ACBD5: variants seen among roughly 807,000 people sequenced by gnomAD.
The protein encoded by ACBD5 is acyl-CoA binding domain containing 5.
ACBD5 carries 40 observed loss-of-function variants against 71.8 expected under a neutral mutation model. The ratio of observed to expected loss-of-function variants is 0.56; its 90% CI spans 0.43 to 0.72. The LOEUF (loss-of-function observed/expected upper bound fraction) is 0.72. ACBD5 is among the 30% of genes least tolerant of loss of function. The pLI is 0.00. For missense variants in ACBD5, 559 were observed against 644.5 expected (o/e 0.87, Z 1.44); for synonymous variants, 229 against 218.6 (o/e 1.05, Z -0.42).
In ACBD5 at chr10:27,195,455, C is replaced by T. The variant is rs188435992; in HGVS notation, c.*1975G>A. 2.2e-6 allele frequency: 1 copy of T among 454,364 alleles called. No homozygotes were observed. Among genetic ancestry groups the T allele is most frequent in the Admixed American group, 2.3e-5 (1 of 42,562 alleles). 28.1% of individuals were successfully genotyped at this position (454,364 alleles called of 1,614,324 possible). ...ATGGTTATCCCTAGGAGTTAGTTAT[C>T]CCAGACTGCTTGTAATGATTCACAA... On this transcript the variant is annotated 3_prime_UTR_variant, in exon 13 of 13. Coordinates refer to ENST00000396271, the MANE Select transcript of ACBD5 (RefSeq NM_145698.5).
intron 13 of ACBD5, among the ~76,000 whole-genome samples, chr10:27,189,619 T>TTG (rs2058981378): frequency 3.6e-5 from 3 of 84,214 alleles, no homozygotes; most frequent in Admixed American, 2.4e-4. Flanking sequence ...CTGGGGCCTG[T>TTG]TGTGGGGTGG....
chr10:27,195,111 C>A, downstream of ACBD5: 1 of 278,974 alleles, frequency 3.6e-6, no homozygotes, highest in South Asian at 3.5e-5. Flanking sequence ...AATAGCATGG[C>A]TTTATTTTGA....
chr10:27,193,896 C>T (rs191783996), downstream of ACBD5, among the ~76,000 whole-genome samples: 1 of 152,234 alleles, frequency 6.6e-6, no homozygotes, highest in African/African-American at 2.4e-5. Flanking sequence ...AATAATGATA[C>T]CTTAAATGAT....
chr10:27,224,144 T>A (rs1293397667), intron 4 of ACBD5, among the ~76,000 whole-genome samples: 2 of 149,476 alleles, frequency 1.3e-5, no homozygotes, highest in Non-Finnish European at 3.0e-5. Context: ...AGGAGGAGGA[T>A]GGCTTGAGCC....
At chr10:27,184,106 T>C (rs531393669) in intron 13 of ACBD5, among the ~76,000 whole-genome samples, 1 of 152,308 alleles carries the variant, frequency 6.6e-6, no homozygotes, top group South Asian at 2.1e-4. Context: ...CTAGGGATGA[T>C]CTAGACTCAG....
At chr10:27,226,843 G>A (rs1282016532) in intron 4 of ACBD5, among the ~76,000 whole-genome samples, 1 of 151,200 alleles carries the variant, frequency 6.6e-6, no homozygotes, top group African/African-American at 2.4e-5. Flanking sequence ...TAGTAGAGAC[G>A]GGGTTTCACC....
At chr10:27,204,612 A>G (rs1282756084) in intron 11 of ACBD5, 63 bp from the exon 12 acceptor site, 1 of 1,148,790 alleles carries the variant, frequency 8.7e-7, no homozygotes, top group Non-Finnish European at 1.3e-6. Flanking sequence ...ACTTAAAAAC[A>G]TACCTAATTC....
intron 8 of ACBD5, among the ~76,000 whole-genome samples, chr10:27,211,610 C>T (rs948205847): frequency 2.0e-5 from 3 of 152,084 alleles, no homozygotes; most frequent in South Asian, 2.1e-4. Context: ...TGAGACCCCA[C>T]GCCCGCCCAG....
chr10:27,205,052 A>G (rs2060329966), intron 11 of ACBD5, 146 bp downstream of exon 11: 6 of 691,524 alleles, frequency 8.7e-6, no homozygotes, highest in Admixed American at 6.9e-5. Context: ...GCGTGAACCC[A>G]GGAGGCAGAG....
chr10:27,211,160 A>C (rs2061037566), intron 8 of ACBD5, 79 bp from the exon 9 acceptor site: 1 of 1,396,078 alleles, frequency 7.2e-7, no homozygotes, highest in Non-Finnish European at 1.0e-6. Flanking sequence ...CAATAGGAGA[A>C]ATACTGTTTT....
chr10:27,187,090 A>T (rs933993792), intron 13 of ACBD5, among the ~76,000 whole-genome samples: 1 of 152,050 alleles, frequency 6.6e-6, no homozygotes, highest in Non-Finnish European at 1.5e-5. Context: ...TCTTGAGGTC[A>T]GGAGTTCAAG....
intron 4 of ACBD5, among the ~76,000 whole-genome samples, chr10:27,224,758 T>G (rs1396620224): frequency 6.6e-6 from 1 of 152,136 alleles, no homozygotes; most frequent in African/African-American, 2.4e-5. Flanking sequence ...GGGCCGGGCG[T>G]GGTGGCTCAC....
rs931907901 is a variant in ACBD5, at chr10:27,240,228, G to A, written c.181+91C>T. 8.1e-6 allele frequency: 13 copies of A among 1,604,032 alleles called. No homozygotes were observed. The highest frequency in any genetic ancestry group is 6.7e-5 in the African/African-American group (5 of 74,696). The stretch of plus-strand genomic sequence containing the variant: ...TACATGGCTCCTACACAGAAAAAAA[G>A]GCTAAATAAACAACACTAGAACCAG... On this transcript the variant is annotated intron_variant, in intron 2 of 12. Transcript: ENST00000396271. This position sits in a 1 kb window ranked among gnomAD's most constrained non-coding sequence, Gnocchi z 4.1.
chr10:27,209,417 G>A (rs2060827967), intron 9 of ACBD5, among the ~76,000 whole-genome samples: 2 of 152,226 alleles, frequency 1.3e-5, no homozygotes, highest in African/African-American at 4.8e-5. Flanking sequence ...CCGCCTCCCA[G>A]GTTCGGCCGA....
chr10:27,221,021 C>A (rs144407982), intron 5 of ACBD5, among the ~76,000 whole-genome samples: 1 of 152,136 alleles, frequency 6.6e-6, no homozygotes, highest in Non-Finnish European at 1.5e-5. Context: ...GACAAATGTA[C>A]GTGGTTATTC....
intron 7 of ACBD5, among the ~76,000 whole-genome samples, chr10:27,216,656 T>A (rs975402301): frequency 6.6e-6 from 1 of 152,360 alleles, no homozygotes; most frequent in Admixed American, 6.5e-5. Context: ...CCACACTTTT[T>A]AAAATTTACC....
chr10:27,198,727 T>C (rs540988341), intron 12 of ACBD5, among the ~76,000 whole-genome samples: 4 of 152,248 alleles, frequency 2.6e-5, no homozygotes, highest in Non-Finnish European at 5.9e-5. Context: ...TTAGCAAAAA[T>C]GTTAGCTTCA....
intron 10 of ACBD5, among the ~76,000 whole-genome samples, chr10:27,207,444 A>C (rs1345770337): frequency 1.3e-5 from 2 of 152,186 alleles, no homozygotes; most frequent in Non-Finnish European, 2.9e-5. Context: ...GTTTCTTTAC[A>C]TGAGTCACAA....
At chr10:27,203,848 G>C (rs887786574) in intron 12 of ACBD5, among the ~76,000 whole-genome samples, 1 of 151,918 alleles carries the variant, frequency 6.6e-6, no homozygotes, top group Non-Finnish European at 1.5e-5. Context: ...TGTTGCCCAG[G>C]CTAGTCTCGA....
Sources: allele counts gnomAD v4.1 joint callset (sites outside exome capture counted in the v4.1 genomes callset), GRCh38; gene constraint gnomAD v4.1.1; non-coding constraint Gnocchi (gnomAD v3.1); transcripts MANE v1.5; gene names NCBI Gene and HGNC (gene_info 2026-07-23, HGNC 2026-07-21).